Variants in KLHL35 observed in about 807,000 individuals in gnomAD.
KLHL35 encodes the protein kelch-like protein 35.
KLHL35 carries 50 observed loss-of-function variants against 44.0 expected under a neutral mutation model. The observed-to-expected ratio is 1.14, with a 90% CI of 0.91 to 1.44. The LOEUF (loss-of-function observed/expected upper bound fraction) is 1.44, where lower values mean the gene tolerates loss of function less well. KLHL35 is among the 40% of genes most tolerant of loss of function. KLHL35 has a pLI of 0.00. For missense variants in KLHL35, 1,049 were observed against 887.8 expected, an observed-to-expected ratio of 1.18 and a Z score of -2.31; for synonymous variants, 470 against 410.4, an observed-to-expected ratio of 1.15 and a Z score of -1.76.
Position 75,426,635 on chromosome 11 carries a change from C to A in KLHL35, c.1070G>T (p.Gly357Val). ...ALRNDVYVSG[G>V]HINSHDVWMF... ...CCACACATCATGACTGTTGATGTGGCCTCCTAGGGAGAGAGAAGCAGCTGT... is the reference window on the plus strand; with the variant it reads ...CCACACATCATGACTGTTGATGTGGACTCCTAGGGAGAGAGAAGCAGCTGT... Residue 357 changes from glycine to valine, a missense_variant, in exon 4 of 7, where the codon GGC (glycine) becomes GTC (valine). By Grantham distance (109) the Gly-to-Val change is moderately radical (BLOSUM62 -3). Coordinates refer to ENST00000539798, the MANE Select transcript of KLHL35 (RefSeq NM_001039548.3). The A allele has an allele frequency of 6.3e-7, 1 of 1,579,830 alleles. No homozygotes were observed. The highest frequency in any genetic ancestry group is 8.6e-7 in the Non-Finnish European group (1 of 1,161,312).
intron 6 of KLHL35, chr11:75,423,033 G>T: frequency 2.0e-6 from 1 of 498,344 alleles, no homozygotes; most frequent in Non-Finnish European, 3.6e-6. Context: ...CTTCTTCACA[G>T]GGTTCCCTTA....
At chr11:75,432,499 C>T (rs948243676) in intron 1 of KLHL35, among the ~76,000 whole-genome samples, 3 of 152,240 alleles carry the variant, frequency 2.0e-5, no homozygotes, top group African/African-American at 7.2e-5. Context: ...TGCAACCAGT[C>T]TGTCCTCCAC....
chr11:75,431,642 G>A (rs570546), intron 1 of KLHL35, among the ~76,000 whole-genome samples: 38,501 of 152,150 alleles, frequency 0.25, 6,010 homozygotes, highest in Non-Finnish European at 0.36. Flanking sequence ...GACAAATGGG[G>A]ATTCTAACCC....
chr11:75,428,372 A>AGCAAAGGGGGTGGAGTGCGGAG, intron 3 of KLHL35, 70 bp downstream of exon 3: 3 of 1,548,838 alleles, frequency 1.9e-6, no homozygotes. Context: ...TGGAGGGAAA[A>AGCAAAGGGGGTGGAGTGCGGAG]GCAAAGGGGG....
In KLHL35 at chr11:75,430,139, G is replaced by C; in HGVS notation, c.491C>G (p.Ala164Gly). Residue 164 changes from alanine (A) to glycine (G), a missense_variant, in exon 2 of 7, where the codon GCC becomes GGC. Coordinates refer to ENST00000539798, the MANE Select transcript of KLHL35 (RefSeq NM_001039548.3). ...NSLALRRVAA[A>G]FSLAPLAERC... ...CTCGGCCAGCGGGGCCAGCGAGAAGGCGGCGGCCACGCGGCGCAGCGCTAG... is the reference window on the plus strand; with the variant it reads ...CTCGGCCAGCGGGGCCAGCGAGAAGCCGGCGGCCACGCGGCGCAGCGCTAG... 1.6e-6 allele frequency: 2 copies of C among 1,257,252 alleles called. No homozygotes were observed. The highest frequency in any genetic ancestry group is 2.0e-6 in the Non-Finnish European group (2 of 1,004,334). 77.9% of individuals were successfully genotyped at this position (1,257,252 alleles called of 1,614,324 possible).
chr11:75,429,394 C>T (rs964376708), intron 2 of KLHL35, among the ~76,000 whole-genome samples: 5 of 152,212 alleles, frequency 3.3e-5, no homozygotes, highest in African/African-American at 4.8e-5. Flanking sequence ...ACTACTTCCC[C>T]ATGCCCCTGC....
intron 1 of KLHL35, 32 bp from the exon 2 acceptor site, chr11:75,430,662 G>A (rs1247150702): frequency 7.6e-7 from 1 of 1,318,304 alleles, no homozygotes; most frequent in East Asian, 3.1e-5. Flanking sequence ...CAGCGTCGGG[G>A]AAGCCACCTG....
chr11:75,429,603 G>T, intron 2 of KLHL35, 146 bp downstream of exon 2: 1 of 1,070,424 alleles, frequency 9.3e-7, no homozygotes, highest in Middle Eastern at 3.2e-4. Context: ...TTCAAGGGCA[G>T]AATTATGGGC....
Position 75,423,898 on chromosome 11 carries a change from C to CA in KLHL35, c.1375-19dup. 1 of 1,596,702 alleles carries CA rather than the reference C, an allele frequency of 6.3e-7. No homozygotes were observed. Among genetic ancestry groups the CA allele is most frequent in the Non-Finnish European group, 8.5e-7 (1 of 1,169,906 alleles). ...CACTGCACCTGAGGGGCAAGAGCAG[C>CA]AGTGGTGAAGACTCACCGCCCCCCC... On this transcript the variant is annotated intron_variant, in intron 5 of 6. Transcript: ENST00000539798.
chr11:75,425,409 C>A lies in KLHL35; in HGVS notation c.1358G>T (p.Gly453Val). The A allele has an allele frequency of 3.2e-6, 5 of 1,557,616 alleles. No individual in the cohort carries two copies. The highest frequency in any genetic ancestry group is 3.5e-6 in the Non-Finnish European group (4 of 1,158,956). ...LFVIGGARQG[G>V]VNTDKVQCFD... ...CACGCCCACCTTGTCCGTGTTGACGCCGCCCTGCCTGGCGCCCCCAATCAC... is the reference window on the plus strand; with the variant it reads ...CACGCCCACCTTGTCCGTGTTGACGACGCCCTGCCTGGCGCCCCCAATCAC... Residue 453 changes from glycine to valine, a missense_variant, in exon 5 of 7, where the codon GGC (glycine) becomes GTC (valine). Transcript: ENST00000539798.
At chr11:75,426,836 C>T in intron 3 of KLHL35, 198 bp from the exon 4 acceptor site, 1 of 475,274 alleles carries the variant, frequency 2.1e-6, no homozygotes. Context: ...GAGTTACGAC[C>T]CTCGAGGGGA....
intron 3 of KLHL35, 114 bp downstream of exon 3, chr11:75,428,328 G>C: frequency 1.6e-6 from 2 of 1,240,924 alleles, no homozygotes; most frequent in Non-Finnish European, 1.1e-6. Flanking sequence ...ATAACTGTAG[G>C]TTATCAGAAA....
In KLHL35 at chr11:75,426,116, G is replaced by A. The variant is rs373827547; in HGVS notation, c.1185+404C>T. 2.9e-3 allele frequency: 464 copies of A among 160,186 alleles called. 4 individuals are homozygous for A. Among genetic ancestry groups the A allele is most frequent in the Non-Finnish European group, 3.1e-3 (222 of 72,760 alleles). 9.9% of individuals were successfully genotyped at this position (160,186 alleles called of 1,614,324 possible). Reference sequence around the variant, plus strand: ...GACTACAGGCACCAGCCACCACGCCGAGCTAATTTTTTGTATTTTTAGTAG... The same window carrying A: ...GACTACAGGCACCAGCCACCACGCCAAGCTAATTTTTTGTATTTTTAGTAG... On this transcript the variant is annotated intron_variant, in intron 4 of 6. Coordinates refer to ENST00000539798, the MANE Select transcript of KLHL35 (RefSeq NM_001039548.3).
rs951780286 is a variant in KLHL35 at position 75,429,668 on chromosome 11, A to G, written c.881+81T>C. The G allele has an allele frequency of 8.8e-6, 12 of 1,361,552 alleles. No homozygotes were observed. In the East Asian group the frequency reaches 3.7e-4, roughly 42 times the overall value. 84.3% of individuals were successfully genotyped at this position (1,361,552 alleles called of 1,614,324 possible). The stretch of plus-strand genomic sequence containing the variant: ...CTGAATATCATCAAGAGGCAGTACT[A>G]AAAGATGATGAAAGAATGAATGAGC... On this transcript the variant is annotated intron_variant, in intron 2 of 6. Coordinates refer to ENST00000539798, the MANE Select transcript of KLHL35 (RefSeq NM_001039548.3).
At position 75,422,714 on chromosome 11, in the gene KLHL35, C is replaced by T. The variant is rs1948459513; in HGVS notation, c.1618G>A (p.Asp540Asn). 1 of 1,614,036 alleles carries T rather than the reference C, an allele frequency of 6.2e-7. No homozygotes were observed. The highest frequency in any genetic ancestry group is 1.3e-5 in the African/African-American group (1 of 75,068). Reference sequence around the variant, plus strand: ...TTATCGGTGCTTTCTCCGCGATCATCCCGCCCGCCAAGGATGTGGACCTTC... The same window carrying T: ...TTATCGGTGCTTTCTCCGCGATCATTCCGCCCGCCAAGGATGTGGACCTTC... Reference protein sequence around the residue: ...DGKVHILGGRDDRGESTDKVF... With the variant: ...DGKVHILGGRNDRGESTDKVF... The change falls in exon 7 of 7, where the codon GAT (aspartate) becomes AAT (asparagine). Residue 540 changes from aspartate (D) to asparagine (N), a missense_variant. Transcript: ENST00000539798.
chr11:75,424,067 C>A, intron 5 of KLHL35, 187 bp from the exon 6 acceptor site: 3 of 589,440 alleles, frequency 5.1e-6, no homozygotes, highest in Non-Finnish European at 9.1e-6. Context: ...AAGGGCTCTT[C>A]ATCTAGTTCT....
At chr11:75,423,636 A>G in intron 6 of KLHL35, 56 bp downstream of exon 6, 2 of 1,464,136 alleles carry the variant, frequency 1.4e-6, no homozygotes, top group Non-Finnish European at 9.4e-7. Flanking sequence ...CACAAGCTCC[A>G]AGATCCAGAG....
intron 6 of KLHL35, 26 bp from the exon 7 acceptor site, chr11:75,422,794 T>C (rs1948461276): frequency 4.4e-6 from 7 of 1,601,672 alleles, no homozygotes; most frequent in Admixed American, 1.7e-5. Context: ...GAAAGACAAC[T>C]ATCAGGTCCA....
Position 75,425,399 on chromosome 11 carries a change from C to T in KLHL35, c.1368G>A (p.Thr456=), listed in dbSNP as rs1413016642. 3.9e-6 allele frequency: 6 copies of T among 1,551,600 alleles called. No individual in the cohort carries two copies. The highest frequency in any genetic ancestry group is 2.4e-5 in the East Asian group (1 of 41,882). The change falls in exon 5 of 7, where the codon ACG becomes ACA. Residue 456 remains threonine (T), a synonymous_variant. Coordinates refer to ENST00000539798, the MANE Select transcript of KLHL35 (RefSeq NM_001039548.3). The part of the protein sequence containing the change: ...IGGARQGGVN[T]DKVQCFDPKE... ...GCCTGAGGCCCACGCCCACCTTGTC[C>T]GTGTTGACGCCGCCCTGCCTGGCGC...
Sources: allele counts gnomAD v4.1 joint callset (sites outside exome capture counted in the v4.1 genomes callset), GRCh38; gene constraint gnomAD v4.1.1; transcripts MANE v1.5; gene names NCBI Gene and HGNC (gene_info 2026-07-23, HGNC 2026-07-21).